UGGT1: variants seen among roughly 807,000 people sequenced by gnomAD.
The protein encoded by UGGT1 is UDP-glucose glycoprotein glucosyltransferase 1.
In UGGT1, 107 loss-of-function variants were observed where a neutral mutation model predicts 203.9. That is an observed-to-expected ratio of 0.52 (90% CI 0.45 to 0.62). The LOEUF is 0.62. Among genes scored for constraint, UGGT1 ranks in the 20% least tolerant of loss-of-function variants. The pLI, the probability that UGGT1 is intolerant of heterozygous loss-of-function variation, is 0.00. For synonymous variants in UGGT1, 628 were observed against 653.5 expected (o/e 0.96, Z 0.59); for missense variants, 1,673 against 1,867.2 (o/e 0.90, Z 1.92).
chr2:128,180,533 C>T (rs7597408), intron 35 of UGGT1, among the ~76,000 whole-genome samples: 64,597 of 152,026 alleles, frequency 0.42, 13,926 homozygotes, highest in South Asian at 0.57. Flanking sequence ...GATCTGGCCT[C>T]GAGGAAGGCT....
At position 128,120,359 on chromosome 2, in the gene UGGT1, T is replaced by C. The variant is rs762053199; in HGVS notation, c.876T>C (p.Asp292=). 1.9e-6 allele frequency: 3 copies of C among 1,613,302 alleles called. No homozygotes were observed. In the South Asian group the frequency reaches 3.3e-5, roughly 18 times the overall value. ...VQGFLFGKLR[D]LHPDLEGQLK... Reference sequence around the variant, plus strand: ...CTGATTTTTATGTTTCTTTTAGAGATCTGCACCCCGACCTGGAGGGACAGT... The same window carrying C: ...CTGATTTTTATGTTTCTTTTAGAGACCTGCACCCCGACCTGGAGGGACAGT... The change falls in exon 9 of 41, where the codon GAT becomes GAC. Residue 292 remains aspartate, a synonymous_variant. Coordinates refer to ENST00000259253, the MANE Select transcript of UGGT1 (RefSeq NM_020120.4).
rs1691073536 is a variant in UGGT1 at position 128,171,082 on chromosome 2, C to T, written c.3025-123C>T. ...AGAGTTGTGATTTCCAGAAGTTTCG[C>T]CAGTGCAGACTCTGTGGCTGTTATC... On this transcript the variant is annotated intron_variant, in intron 27 of 40. Coordinates refer to ENST00000259253, the MANE Select transcript of UGGT1 (RefSeq NM_020120.4). 6.2e-5 allele frequency: 54 copies of T among 864,046 alleles called. 1 individual carries two copies. The South Asian group carries it at 9.1e-4, about 15-fold the overall frequency. The allele number at this position is 864,046 out of a possible 1,614,324, so 53.5% of individuals were successfully genotyped here.
intron 7 of UGGT1, among the ~76,000 whole-genome samples, chr2:128,115,939 A>G (rs1688080360): frequency 6.6e-6 from 1 of 152,180 alleles, no homozygotes; most frequent in African/African-American, 2.4e-5. Context: ...TTCTTTGTTC[A>G]TAGTGTTTGA....
intron 11 of UGGT1, among the ~76,000 whole-genome samples, chr2:128,124,275 G>A (rs1009994379): frequency 1.3e-5 from 2 of 151,842 alleles, no homozygotes; most frequent in African/African-American, 2.4e-5. Flanking sequence ...TTGATAGCTC[G>A]TTATACAATA....
chr2:128,112,473 T>TATATATATATATATA (rs1553433485), intron 5 of UGGT1, among the ~76,000 whole-genome samples: 72 of 120,342 alleles, frequency 6.0e-4, no homozygotes, highest in East Asian at 1.1e-3. Context: ...TATATATATA[T>TATATATATATATATA]TACATACATA....
At chr2:128,173,758 A>G in intron 29 of UGGT1, 23 bp from the exon 30 acceptor site, 7 of 1,612,086 alleles carry the variant, frequency 4.3e-6, no homozygotes, top group Non-Finnish European at 5.9e-6. Flanking sequence ...AGTGCATTCA[A>G]GTGATTGGAT....
rs751724044 is a variant in UGGT1, at chr2:128,182,232, A to C, written c.4186A>C (p.Arg1396=). The C allele has an allele frequency of 1.2e-6, 2 of 1,614,084 alleles. No homozygotes were observed. Among genetic ancestry groups the C allele is most frequent in the Non-Finnish European group, 1.7e-6 (2 of 1,180,032 alleles). Residue 1396 remains arginine (R), a synonymous_variant, in exon 37 of 41, where the codon AGG becomes CGG. Coordinates refer to ENST00000259253, the MANE Select transcript of UGGT1 (RefSeq NM_020120.4). ...CAGCCGAAGAGAAATGGACGGCTAC[A>C]GGTTCTGGAAGTCAGGGTACTGGGC... The part of the protein sequence containing the change: ...CDSRREMDGY[R]FWKSGYWASH...
intron 30 of UGGT1, 92 bp from the exon 31 acceptor site, chr2:128,174,681 G>C (rs1691285871): frequency 9.4e-7 from 1 of 1,062,734 alleles, no homozygotes; most frequent in Non-Finnish European, 1.4e-6. Context: ...CATTATAGTT[G>C]ATTGATATTT....
intron 40 of UGGT1, 109 bp downstream of exon 40, chr2:128,187,723 A>G: frequency 8.2e-7 from 1 of 1,223,022 alleles, no homozygotes; most frequent in Non-Finnish European, 1.1e-6. Flanking sequence ...ATCTCCTATT[A>G]ATCCTTCCAT....
chr2:128,183,826 G>A (rs751237085), intron 38 of UGGT1, 37 bp downstream of exon 38: 5 of 1,491,064 alleles, frequency 3.4e-6, no homozygotes, highest in African/African-American at 2.8e-5. Context: ...TGTGAGTGAC[G>A]GGTATACAGT....
At position 128,190,886 on chromosome 2, in the gene UGGT1, C is replaced by T. The variant is rs577683183; in HGVS notation, c.*1144C>T. ...CTGCAGGTTGCCTTTGGCGCCCACA[C>T]CAGTTCTGTCTTCATGTCGCTGCAT... On this transcript the variant is annotated 3_prime_UTR_variant, in exon 41 of 41. Transcript: ENST00000259253. The T allele has an allele frequency of 2.6e-4, 40 of 152,424 alleles. No individual in the cohort carries two copies. Among genetic ancestry groups the T allele is most frequent in the African/African-American group, 8.7e-4 (36 of 41,592 alleles). 9.4% of individuals were successfully genotyped at this position (152,424 alleles called of 1,614,324 possible).
At position 128,091,745 on chromosome 2, in the gene UGGT1, G is replaced by A. The variant is rs527846400; in HGVS notation, c.58+330G>A. 4.1e-5 allele frequency: 19 copies of A among 460,396 alleles called. No homozygotes were observed. The South Asian group carries it at 8.8e-4, about 21-fold the overall frequency. The allele number at this position is 460,396 out of a possible 1,614,324, so 28.5% of individuals were successfully genotyped here. On this transcript the variant is annotated intron_variant, in intron 1 of 40. Transcript: ENST00000259253. ...CCAAGCTTGATCCTCAGTGAGTTGA[G>A]AAGCAGCACTTTGCAGGACCCTGAT...
intron 32 of UGGT1, among the ~76,000 whole-genome samples, chr2:128,177,335 G>C (rs1691448366): frequency 6.6e-6 from 1 of 152,064 alleles, no homozygotes; most frequent in Non-Finnish European, 1.5e-5. Flanking sequence ...CTTGAAGAAA[G>C]AATCATTACA....
intron 5 of UGGT1, among the ~76,000 whole-genome samples, chr2:128,112,473 T>TATATATATA (rs1553433485): frequency 5.0e-4 from 60 of 120,338 alleles, no homozygotes; most frequent in East Asian, 1.1e-3. Flanking sequence ...TATATATATA[T>TATATATATA]TACATACATA....
At position 128,138,792 on chromosome 2, in the gene UGGT1, A is replaced by G. The variant is rs758415132; in HGVS notation, c.1659A>G (p.Arg553=). 9.3e-6 allele frequency: 15 copies of G among 1,614,108 alleles called. No individual in the cohort carries two copies. The highest frequency in any genetic ancestry group is 1.2e-5 in the Non-Finnish European group (14 of 1,180,020). The change falls in exon 16 of 41, where the codon AGA becomes AGG. Residue 553 remains arginine, a synonymous_variant. Coordinates refer to ENST00000259253, the MANE Select transcript of UGGT1 (RefSeq NM_020120.4). ...AAGATGCTGGAGTGGCTGTTCTTAG[A>G]GCATATAATTATGTTGCCCAAGAAG... ...GMQDAGVAVL[R]AYNYVAQEVD...
chr2:128,187,573 G>T lies in UGGT1; in HGVS notation c.4601G>T (p.Gly1534Val). 6.2e-7 allele frequency: 1 copy of T among 1,614,000 alleles called. No individual in the cohort carries two copies. Among genetic ancestry groups the T allele is most frequent in the Non-Finnish European group, 8.5e-7 (1 of 1,179,974 alleles). Residue 1534 changes from glycine to valine, a missense_variant, in exon 40 of 41, where the codon GGA becomes GTA. By Grantham distance (109) the Gly-to-Val change is moderately radical. Coordinates refer to ENST00000259253, the MANE Select transcript of UGGT1 (RefSeq NM_020120.4). Reference protein sequence around the residue: ...QIRFQKEKETGALYKEKTKEP... With the variant: ...QIRFQKEKETVALYKEKTKEP... ...CGCTTTCAGAAGGAGAAAGAAACGG[G>T]AGCACTGTACAAAGAGAAGACAAAA...
chr2:128,105,235 A>G (rs1687551298), intron 3 of UGGT1, among the ~76,000 whole-genome samples: 1 of 151,078 alleles, frequency 6.6e-6, no homozygotes, highest in Non-Finnish European at 1.5e-5. Context: ...CATATTTTAA[A>G]AATTGTCTGA....
chr2:128,097,405 CTTCTT>C lies in UGGT1; in HGVS notation c.59-16_59-12del, dbSNP rs747926610. On this transcript the variant is annotated intron_variant, in intron 1 of 40. Transcript: ENST00000259253. ...AAAAAAAAATTTCCTTGTAGCAAAA[CTTCTT>C]TTCTTTTTTTCCTTTTAGGAGTTTG... The C allele has an allele frequency of 1.8e-4, 282 of 1,581,968 alleles. No individual in the cohort carries two copies. Among genetic ancestry groups the C allele is most frequent in the Non-Finnish European group, 2.3e-4 (265 of 1,169,870 alleles).
In UGGT1 at chr2:128,091,314, T is replaced by G; in HGVS notation, c.-44T>G. On this transcript the variant is annotated 5_prime_UTR_variant, in exon 1 of 41. Transcript: ENST00000259253. Reference sequence around the variant, plus strand: ...GCTGCCGCCTCGCCCCGCCCTGCCCTGGCGTTGTCTCTGGCACTGTGGCGG... The same window carrying G: ...GCTGCCGCCTCGCCCCGCCCTGCCCGGGCGTTGTCTCTGGCACTGTGGCGG... 6.6e-7 allele frequency: 1 copy of G among 1,525,634 alleles called. No individual in the cohort carries two copies. The highest frequency in any genetic ancestry group is 8.8e-7 in the Non-Finnish European group (1 of 1,134,536). The allele number at this position is 1,525,634 out of a possible 1,614,324, so 94.5% of individuals were successfully genotyped here.
Sources: gnomAD v4.1 joint callset for allele counts (sites outside exome capture counted in the v4.1 genomes callset) on GRCh38, gnomAD v4.1.1 for gene constraint, MANE v1.5 for transcripts, NCBI Gene and HGNC (gene_info 2026-07-23, HGNC 2026-07-21) for gene names.